Variants in SAMD5 observed in about 807,000 individuals in gnomAD.
The protein encoded by SAMD5 is sterile alpha motif domain containing 5, also known as sterile alpha motif domain-containing protein 5.
Under a neutral mutation model 11.3 loss-of-function variants are expected in SAMD5, and 13 were observed. The observed-to-expected ratio is 1.15, with a 90% CI of 0.75 to 1.83. SAMD5 has a LOEUF of 1.83. SAMD5 is among the 40% of genes most tolerant of loss of function. The pLI, the probability that SAMD5 is intolerant of heterozygous loss-of-function variation, is 0.00. For synonymous variants in SAMD5, 129 were observed against 111.3 expected, an observed-to-expected ratio of 1.16 and a Z score of -1.00; for missense variants, 255 against 239.1, an observed-to-expected ratio of 1.07 and a Z score of -0.44.
At chr6:147,765,446 C>G in the SAMD5 span, among the ~76,000 whole-genome samples, 1 of 152,168 alleles carries the variant, frequency 6.6e-6, no homozygotes, top group Non-Finnish European at 1.5e-5. Context: ...TATTTTCTCC[C>G]TCTTCAAACC....
downstream of SAMD5, among the ~76,000 whole-genome samples, chr6:147,571,418 T>A (rs1415970052): frequency 8.3e-6 from 1 of 120,852 alleles, no homozygotes; most frequent in Non-Finnish European, 1.7e-5. Flanking sequence ...CCACTGAGGA[T>A]TTTTTTTTAA....
At chr6:147,764,753 A>G in the SAMD5 span, among the ~76,000 whole-genome samples, 1 of 152,232 alleles carries the variant, frequency 6.6e-6, no homozygotes, top group South Asian at 2.1e-4. Flanking sequence ...GCAAAATTTT[A>G]AAAGAAAGGC....
chr6:147,946,558 A>C, the SAMD5 span, among the ~76,000 whole-genome samples: 1 of 152,140 alleles, frequency 6.6e-6, no homozygotes, highest in Non-Finnish European at 1.5e-5. Context: ...TCTTCACAAG[A>C]CTTAAGTAAA....
intron 1 of SAMD5, among the ~76,000 whole-genome samples, chr6:147,622,457 T>C (rs1583110714): frequency 6.6e-6 from 1 of 152,242 alleles, no homozygotes; most frequent in East Asian, 1.9e-4. Context: ...CTTAGTACTG[T>C]TCTTTTCAAC....
chr6:147,575,163 G>A (rs551614420), intron 1 of SAMD5, among the ~76,000 whole-genome samples: 148 of 152,278 alleles, frequency 9.7e-4, no homozygotes, highest in African/African-American at 3.4e-3. Context: ...ACTTTTGTAG[G>A]CAGTTTCTTC....
At chr6:147,854,369 G>A in the SAMD5 span, among the ~76,000 whole-genome samples, 2 of 152,094 alleles carry the variant, frequency 1.3e-5, no homozygotes, top group Non-Finnish European at 2.9e-5. Flanking sequence ...CTGGTCACAG[G>A]GACCCACTAT....
intron 1 of SAMD5, among the ~76,000 whole-genome samples, chr6:147,625,090 A>G (rs1790031373): frequency 6.6e-6 from 1 of 152,118 alleles, no homozygotes; most frequent in South Asian, 2.1e-4. Flanking sequence ...GTTCCAGACC[A>G]GTTAGTCGAT....
the SAMD5 span, among the ~76,000 whole-genome samples, chr6:147,809,328 A>T: frequency 6.6e-6 from 1 of 152,184 alleles, no homozygotes; most frequent in Non-Finnish European, 1.5e-5. Flanking sequence ...TAGCTGCTAT[A>T]GCCTGGGCAT....
chr6:147,951,190 T>TTTC, the SAMD5 span, among the ~76,000 whole-genome samples: 56,496 of 141,740 alleles, frequency 0.4, 11,992 homozygotes, highest in East Asian at 0.73. Flanking sequence ...TCTTTCTTTC[T>TTTC]TTTTTTTTTT....
At chr6:147,636,477 A>G (rs911115130) in intron 1 of SAMD5, among the ~76,000 whole-genome samples, 3 of 152,350 alleles carry the variant, frequency 2.0e-5, no homozygotes, top group East Asian at 1.9e-4. Flanking sequence ...AGACGCATGC[A>G]TGAAACTGTA....
At chr6:147,773,684 C>T in the SAMD5 span, among the ~76,000 whole-genome samples, 1 of 152,136 alleles carries the variant, frequency 6.6e-6, no homozygotes, top group African/African-American at 2.4e-5. Flanking sequence ...TTTAGGAAAT[C>T]TCCATCTTCT....
intron 1 of SAMD5, among the ~76,000 whole-genome samples, chr6:147,575,198 C>G (rs1480942359): frequency 6.6e-6 from 1 of 152,212 alleles, no homozygotes; most frequent in Non-Finnish European, 1.5e-5. Flanking sequence ...TCATGTCCAT[C>G]TATGGCCCTG....
At chr6:147,612,508 A>G (rs989415542) in intron 1 of SAMD5, among the ~76,000 whole-genome samples, 1 of 152,214 alleles carries the variant, frequency 6.6e-6, no homozygotes, top group African/African-American at 2.4e-5. Flanking sequence ...TGGCACTGAA[A>G]TCCTTAATCA....
intron 1 of SAMD5, among the ~76,000 whole-genome samples, chr6:147,637,675 T>A (rs73008123): frequency 0.049 from 7,481 of 152,222 alleles, 204 homozygotes; most frequent in Middle Eastern, 0.068. Flanking sequence ...CAGGAACACA[T>A]TTTAGCTTTT....
the SAMD5 span, among the ~76,000 whole-genome samples, chr6:147,897,943 T>TA: frequency 0.04 from 3,578 of 89,230 alleles, 163 homozygotes; most frequent in East Asian, 0.11. Context: ...AGATTTTTCT[T>TA]AAAAAAAAAA....
downstream of SAMD5, among the ~76,000 whole-genome samples, chr6:147,738,266 T>C (rs1791834094): frequency 6.6e-6 from 1 of 152,182 alleles, no homozygotes. Flanking sequence ...TAATTGCCTG[T>C]TGGGTTGGTG....
the SAMD5 span, among the ~76,000 whole-genome samples, chr6:147,834,877 T>C: frequency 6.6e-6 from 1 of 152,180 alleles, no homozygotes; most frequent in Non-Finnish European, 1.5e-5. Context: ...TAATTTGGAC[T>C]CCATAAGTAT....
chr6:147,638,589 A>C (rs1009039556), intron 1 of SAMD5, among the ~76,000 whole-genome samples: 1 of 152,106 alleles, frequency 6.6e-6, no homozygotes, highest in Admixed American at 6.5e-5. Flanking sequence ...ACTTGCCCTC[A>C]GTTTTGAGGC....
At chr6:147,640,675 C>T (rs1485770915) in intron 1 of SAMD5, among the ~76,000 whole-genome samples, 10 of 151,960 alleles carry the variant, frequency 6.6e-5, no homozygotes, top group Non-Finnish European at 1.2e-4. Context: ...CCAGTCCCAT[C>T]CCATTTAAAA....
Sources: allele counts gnomAD v4.1 joint callset (sites outside exome capture counted in the v4.1 genomes callset), GRCh38; gene constraint gnomAD v4.1.1; transcripts MANE v1.5; gene names NCBI Gene and HGNC (gene_info 2026-07-23, HGNC 2026-07-21).